MCF2L: variants seen among roughly 807,000 people sequenced by gnomAD.
The protein encoded by MCF2L is guanine nucleotide exchange factor DBS.
In MCF2L, 97 loss-of-function variants were observed where a neutral mutation model predicts 153.4. The observed-to-expected ratio is 0.63, with a 90% CI of 0.54 to 0.75. The LOEUF is 0.75. MCF2L is among the 30% of genes least tolerant of loss of function. The pLI is 0.00. For synonymous variants in MCF2L, 659 were observed against 632.2 expected, an observed-to-expected ratio of 1.04 and a Z score of -0.64; for missense variants, 1,347 against 1,495.2, an observed-to-expected ratio of 0.90 and a Z score of 1.64.
chr13:113,095,886 C>T (rs1017066030), intron 27 of MCF2L: 5 of 769,758 alleles, frequency 6.5e-6, no homozygotes, highest in Non-Finnish European at 4.9e-6. Flanking sequence ...GGAGACAAAG[C>T]GGGAACAGCA....
At position 112,915,964 on chromosome 13, in the gene MCF2L, C is replaced by T. The variant is rs372262315; in HGVS notation, c.169+13593C>T. On this transcript the variant is annotated intron_variant, in intron 2 of 29. Transcript: ENST00000375608. ...CTGTAATCCCAGCACTTTGGGAGGC[C>T]GAGGCATGTGGATCACAAGGTCAGG... is the stretch of plus-strand genomic sequence containing the variant. Among the ~76,000 whole-genome samples the T allele has an allele frequency of 1.2e-3, 186 of 151,222 alleles. 3 individuals are homozygous for T. The highest frequency in any genetic ancestry group is 9.2e-3 in the Admixed American group (140 of 15,178).
Position 112,994,166 on chromosome 13 carries a change from G to A in MCF2L, c.80-20597G>A, listed in dbSNP as rs549774462. Among the ~76,000 whole-genome samples the A allele has an allele frequency of 7.3e-5, 11 of 150,622 alleles. No homozygotes were observed. The East Asian group carries it at 7.9e-4, about 11-fold the overall frequency. The stretch of plus-strand genomic sequence containing the variant: ...GGGCAGGTGTGGATGCCAAGCTGAC[G>A]TCACTGTGCCAGTGTCTCGGGCAGG... On this transcript the variant is annotated intron_variant, in intron 1 of 29. Transcript: ENST00000535094.
intron 2 of MCF2L, among the ~76,000 whole-genome samples, chr13:112,958,902 A>G (rs1328658536): frequency 4.6e-5 from 7 of 152,146 alleles, no homozygotes; most frequent in African/African-American, 1.7e-4. Context: ...AGAGCCGTGA[A>G]CACAGAAGCT....
Position 112,993,986 on chromosome 13 carries a change from G to T in MCF2L, c.80-20777G>T, listed in dbSNP as rs2083002013. On this transcript the variant is annotated intron_variant, in intron 1 of 29. Transcript: ENST00000535094. This position sits in a 1 kb window ranked among gnomAD's most constrained non-coding sequence, Gnocchi z 4.6. The stretch of plus-strand genomic sequence containing the variant: ...ACACCTTCATTTTAAAGACAGCAGA[G>T]GAGGGGTGGGGTGGGAGGGCAGTAC... Among the ~76,000 whole-genome samples, 1 of 151,958 alleles carries T rather than the reference G, an allele frequency of 6.6e-6. No individual in the cohort carries two copies. Among genetic ancestry groups the T allele is most frequent in the Non-Finnish European group, 1.5e-5 (1 of 67,968 alleles).
intron 2 of MCF2L, among the ~76,000 whole-genome samples, chr13:113,017,916 C>G (rs2084635583): frequency 6.6e-6 from 1 of 152,218 alleles, no homozygotes; most frequent in Admixed American, 6.5e-5. Flanking sequence ...AGGAATGGCT[C>G]CGAATTTTCC....
At position 113,070,474 on chromosome 13, in the gene MCF2L, G is replaced by C. The variant is rs1428031274; in HGVS notation, c.996+301G>C. On this transcript the variant is annotated intron_variant, in intron 9 of 29. Coordinates refer to ENST00000535094, the MANE Select transcript of MCF2L (RefSeq NM_001112732.3). This position sits in a 1 kb window ranked among gnomAD's most constrained non-coding sequence, Gnocchi z 5.6. Reference sequence around the variant, plus strand: ...CTTTGCTCTCCCTTCATAGTCATTTGCATGCCCTTTTATTCAACATGCATG... The same window carrying C: ...CTTTGCTCTCCCTTCATAGTCATTTCCATGCCCTTTTATTCAACATGCATG... 1 of 217,338 alleles carries C rather than the reference G, an allele frequency of 4.6e-6. No homozygotes were observed. The highest frequency in any genetic ancestry group is 9.0e-6 in the Non-Finnish European group (1 of 110,834). The allele number at this position is 217,338 out of a possible 1,614,324, so 13.5% of individuals were successfully genotyped here.
rs77963588 is a variant in MCF2L at position 112,984,702 on chromosome 13, G to A, written c.79+15244G>A. Among the ~76,000 whole-genome samples the A allele has an allele frequency of 3.2e-3, 484 of 152,328 alleles. 3 individuals carry two copies. The highest frequency in any genetic ancestry group is 0.011 in the African/African-American group (453 of 41,572). On this transcript the variant is annotated intron_variant, in intron 1 of 29. Transcript: ENST00000535094. ...TAGTAGCGCGTGCAAAAAGGAAAAC[G>A]TGTGGATCTAAGACTGTGCACAAAC...
At chr13:113,096,712 C>G in intron 29 of MCF2L, 59 bp downstream of exon 29, 1 of 1,553,808 alleles carries the variant, frequency 6.4e-7, no homozygotes, top group Non-Finnish European at 8.7e-7. Flanking sequence ...GGCGAGGAAG[C>G]TGCCCCGTGT....
intron 4 of MCF2L, among the ~76,000 whole-genome samples, chr13:113,059,384 C>T (rs371192250): frequency 6.6e-6 from 1 of 152,250 alleles, no homozygotes; most frequent in Non-Finnish European, 1.5e-5. Flanking sequence ...GCAGGACATC[C>T]TGGTGAGTCG....
At chr13:112,914,066 T>C (rs1476568397) in intron 2 of MCF2L, among the ~76,000 whole-genome samples, 2 of 152,334 alleles carry the variant, frequency 1.3e-5, no homozygotes, top group East Asian at 3.9e-4. Context: ...CTTTTCTTTT[T>C]CCTTTCTTCC....
Position 113,087,788 on chromosome 13 carries a change from T to C in MCF2L, c.2677T>C (p.Tyr893His). 6.2e-7 allele frequency: 1 copy of C among 1,614,040 alleles called. No individual in the cohort carries two copies. Among genetic ancestry groups the C allele is most frequent in the Non-Finnish European group, 8.5e-7 (1 of 1,179,960 alleles). The part of the protein sequence containing the change: ...EIWYNAREEV[Y>H]IVQAPTPEIK... ...CTGGTACAACGCGCGCGAGGAGGTCTACATCGTCCAGGTGGGCCACCCACC... is the reference window on the plus strand; with the variant it reads ...CTGGTACAACGCGCGCGAGGAGGTCCACATCGTCCAGGTGGGCCACCCACC... The change falls in exon 23 of 30, where the codon TAC (tyrosine) becomes CAC (histidine). Residue 893 changes from tyrosine (Y) to histidine (H), a missense_variant. Tyr to His is a moderately conservative substitution (Grantham distance 83, BLOSUM62 2). This residue lies in a region of MCF2L where 383 missense variants were observed against 335.4 expected (regional missense o/e 1.14). Coordinates refer to ENST00000535094, the MANE Select transcript of MCF2L (RefSeq NM_001112732.3).
chr13:112,911,645 C>A (rs892005388), intron 2 of MCF2L, among the ~76,000 whole-genome samples: 1 of 152,238 alleles, frequency 6.6e-6, no homozygotes, highest in Non-Finnish European at 1.5e-5. Flanking sequence ...GCCGTGGGCC[C>A]GGCACCCCCT....
At chr13:112,978,879 C>G (rs2993280) in intron 1 of MCF2L, among the ~76,000 whole-genome samples, 64,028 of 152,140 alleles carry the variant, frequency 0.42, 14,161 homozygotes, top group African/African-American at 0.56. Flanking sequence ...GCTGTGAGGC[C>G]TGGAGCCCTG....
chr13:113,001,752 C>G, intron 1 of MCF2L: 1 of 1,361,242 alleles, frequency 7.3e-7, no homozygotes, highest in Non-Finnish European at 9.4e-7. Context: ...GAGCAGCCGG[C>G]TGGCTGCCCT....
intron 2 of MCF2L, chr13:112,909,421 G>A: frequency 1.4e-6 from 1 of 715,788 alleles, no homozygotes; most frequent in Non-Finnish European, 2.6e-6. Flanking sequence ...GCAGGGGTTT[G>A]GGGCAGGCCT....
At position 112,983,255 on chromosome 13, in the gene MCF2L, C is replaced by T. The variant is rs544595679; in HGVS notation, c.79+13797C>T. ...AGGGACGGGAAGCTCCAGTAAGATT[C>T]ACCATGGGATTTTTCACCAGAAACT... On this transcript the variant is annotated intron_variant, in intron 1 of 29. Transcript: ENST00000535094. The surrounding 1 kb of genome is among the most constrained non-coding windows in gnomAD (Gnocchi z 4.0). Among the ~76,000 whole-genome samples the T allele has an allele frequency of 1.9e-3, 284 of 152,236 alleles. 1 individual carries two copies. The highest frequency in any genetic ancestry group is 3.1e-3 in the Non-Finnish European group (213 of 68,010).
At chr13:113,004,581 C>A (rs1040017724) in intron 1 of MCF2L, among the ~76,000 whole-genome samples, 1 of 152,228 alleles carries the variant, frequency 6.6e-6, no homozygotes, top group Non-Finnish European at 1.5e-5. Flanking sequence ...GCATCACCGG[C>A]TGAATTGCAG....
chr13:113,035,794 C>T lies in MCF2L; in HGVS notation c.279-9477C>T, dbSNP rs971730924. 1.3e-5 allele frequency among the ~76,000 whole-genome samples: 2 copies of T among 152,224 alleles called. No homozygotes were observed. Among genetic ancestry groups the T allele is most frequent in the African/African-American group, 2.4e-5 (1 of 41,448 alleles). On this transcript the variant is annotated intron_variant, in intron 3 of 29. Coordinates refer to ENST00000535094, the MANE Select transcript of MCF2L (RefSeq NM_001112732.3). This position sits in a 1 kb window ranked among gnomAD's most constrained non-coding sequence, Gnocchi z 4.4. ...GCTCTGGGCTCAGACCCCAGCGCCC[C>T]ACTTGTTAGCTGTTTGACCCTGGAT...
chr13:112,929,360 GT>G (rs2081439007), intron 2 of MCF2L, among the ~76,000 whole-genome samples: 1 of 152,142 alleles, frequency 6.6e-6, no homozygotes, highest in Admixed American at 6.5e-5. Flanking sequence ...GTTCAACTTC[GT>G]GGCTGCAGGA....
Sources: gnomAD v4.1 joint callset for allele counts (sites outside exome capture counted in the v4.1 genomes callset) on GRCh38, gnomAD v4.1.1 for gene constraint, gnomAD v4.1.1 regional missense constraint, Gnocchi (gnomAD v3.1) non-coding constraint, MANE v1.5 for transcripts, NCBI Gene and HGNC (gene_info 2026-07-23, HGNC 2026-07-21) for gene names.